Variants in PDE4B observed in about 807,000 individuals in gnomAD.
PDE4B encodes 3',5'-cyclic-AMP phosphodiesterase 4B.
In PDE4B, 20 loss-of-function variants were observed where a neutral mutation model predicts 82.2. That is an observed-to-expected ratio of 0.24 (90% CI 0.17 to 0.35). PDE4B has a LOEUF of 0.35. Ranked by LOEUF, PDE4B falls within the 10% of genes least tolerant of loss-of-function variation. PDE4B has a pLI of 1.00. For synonymous variants in PDE4B, 320 were observed against 318.9 expected, an observed-to-expected ratio of 1.00 and a Z score of -0.04; for missense variants, 655 against 907.2, an observed-to-expected ratio of 0.72 and a Z score of 3.57.
chr1:66,162,111 T>C (rs1056321869), intron 3 of PDE4B, among the ~76,000 whole-genome samples: 1 of 152,028 alleles, frequency 6.6e-6, no homozygotes, highest in Non-Finnish European at 1.5e-5. Flanking sequence ...ACCTATTTGA[T>C]GTTGATTATC....
chr1:65,904,933 T>A (rs893217721), intron 1 of PDE4B, among the ~76,000 whole-genome samples: 1 of 152,194 alleles, frequency 6.6e-6, no homozygotes, highest in Non-Finnish European at 1.5e-5. Flanking sequence ...GGAATATGTA[T>A]CCTGTCAATA....
intron 1 of PDE4B, among the ~76,000 whole-genome samples, chr1:65,846,349 G>A (rs1381918176): frequency 6.6e-6 from 1 of 152,138 alleles, no homozygotes; most frequent in African/African-American, 2.4e-5. Flanking sequence ...ATAGAATAAA[G>A]TATATTTTAA....
At chr1:65,943,114 A>G (rs1354341415) in intron 3 of PDE4B, among the ~76,000 whole-genome samples, 1 of 151,792 alleles carries the variant, frequency 6.6e-6, no homozygotes, top group African/African-American at 2.4e-5. Context: ...CTTTTCCCCT[A>G]TGTTTTCTTC....
intron 3 of PDE4B, among the ~76,000 whole-genome samples, chr1:65,945,645 C>A (rs1648675333): frequency 6.6e-6 from 1 of 151,970 alleles, no homozygotes; most frequent in Non-Finnish European, 1.5e-5. Context: ...GGAGCCTATG[C>A]CGTTAGGTCC....
intron 8 of PDE4B, among the ~76,000 whole-genome samples, chr1:66,346,508 C>CT (rs1230983674): frequency 6.6e-6 from 1 of 152,168 alleles, no homozygotes; most frequent in Non-Finnish European, 1.5e-5. Context: ...ATTTGACTTG[C>CT]TTCATCTATC....
chr1:65,988,558 GAAAT>G (rs766433810), intron 3 of PDE4B, among the ~76,000 whole-genome samples: 29 of 151,892 alleles, frequency 1.9e-4, no homozygotes, highest in Non-Finnish European at 2.6e-4. Context: ...ACCAGCTAGT[GAAAT>G]AAATAAAGAC....
chr1:66,248,486 A>AG (rs1317172590), intron 4 of PDE4B, among the ~76,000 whole-genome samples: 2 of 152,170 alleles, frequency 1.3e-5, no homozygotes, highest in Admixed American at 1.3e-4. Flanking sequence ...CTCTGGTGAA[A>AG]GGGGGAATTT....
At chr1:65,828,162 A>G (rs1646040323) in intron 1 of PDE4B, among the ~76,000 whole-genome samples, 1 of 137,418 alleles carries the variant, frequency 7.3e-6, no homozygotes, top group African/African-American at 2.7e-5. Context: ...GGAATGTCAT[A>G]TAGATCAAAA....
intron 3 of PDE4B, among the ~76,000 whole-genome samples, chr1:65,980,603 G>A (rs999274211): frequency 1.3e-5 from 2 of 152,046 alleles, no homozygotes; most frequent in Non-Finnish European, 2.9e-5. Flanking sequence ...GAGTTTGTTC[G>A]TATTTGGATG....
At chr1:65,944,701 A>G (rs1050436184) in intron 3 of PDE4B, among the ~76,000 whole-genome samples, 6 of 151,948 alleles carry the variant, frequency 3.9e-5, no homozygotes, top group Non-Finnish European at 8.8e-5. Context: ...AGAGACAGGA[A>G]AAAGAAGCAA....
chr1:66,244,735 C>G (rs543633748), intron 3 of PDE4B, among the ~76,000 whole-genome samples: 1 of 152,308 alleles, frequency 6.6e-6, no homozygotes, highest in East Asian at 1.9e-4. Context: ...TTCTTTGCAT[C>G]AGAGACTTCT....
At chr1:66,331,697 G>A in intron 7 of PDE4B, 3 of 972,996 alleles carry the variant, frequency 3.1e-6, no homozygotes, top group Non-Finnish European at 2.4e-6. Flanking sequence ...TGAAAGTCCG[G>A]TTCAGAATTT....
At chr1:66,303,510 T>G (rs1359524085) in intron 7 of PDE4B, among the ~76,000 whole-genome samples, 1 of 152,074 alleles carries the variant, frequency 6.6e-6, no homozygotes, top group Non-Finnish European at 1.5e-5. Flanking sequence ...TTAGCTAAAG[T>G]CACCGTGCTG....
intron 3 of PDE4B, among the ~76,000 whole-genome samples, chr1:66,081,326 T>A (rs6588186): frequency 6.6e-6 from 1 of 151,924 alleles, no homozygotes; most frequent in Non-Finnish European, 1.5e-5. Flanking sequence ...CCTCTTCACT[T>A]GAATGTTAAG....
chr1:65,976,003 G>A (rs935204852), intron 3 of PDE4B, among the ~76,000 whole-genome samples: 6 of 152,338 alleles, frequency 3.9e-5, no homozygotes, highest in Non-Finnish European at 8.8e-5. Context: ...ACACTGCCCA[G>A]TGGAGCTGTG....
intron 3 of PDE4B, among the ~76,000 whole-genome samples, chr1:66,091,075 G>A (rs138159547): frequency 2.1e-3 from 324 of 151,994 alleles, no homozygotes; most frequent in African/African-American, 7.6e-3. Context: ...TGTGGCCCCT[G>A]TTCCACCTAT....
intron 3 of PDE4B, among the ~76,000 whole-genome samples, chr1:65,948,585 G>T (rs1466941590): frequency 6.6e-6 from 1 of 151,954 alleles, no homozygotes; most frequent in African/African-American, 2.4e-5. Context: ...GATTGGGTCA[G>T]CCTTTCCCAG....
chr1:65,922,485 C>G (rs1222374779), intron 3 of PDE4B, among the ~76,000 whole-genome samples: 2 of 152,108 alleles, frequency 1.3e-5, no homozygotes, highest in African/African-American at 4.8e-5. Flanking sequence ...ATCTTTAATA[C>G]TGATAAAGTT....
At chr1:66,279,135 T>G (rs1205062235) in intron 7 of PDE4B, among the ~76,000 whole-genome samples, 1 of 152,164 alleles carries the variant, frequency 6.6e-6, no homozygotes, top group East Asian at 1.9e-4. Flanking sequence ...ATTTAAATAC[T>G]TCCCTCTGGA....
Sources: gnomAD v4.1 joint callset for allele counts (sites outside exome capture counted in the v4.1 genomes callset) on GRCh38, gnomAD v4.1.1 for gene constraint, MANE v1.5 for transcripts, NCBI Gene and HGNC (gene_info 2026-07-23, HGNC 2026-07-21) for gene names.